Variants in SEC62 observed in about 807,000 individuals in gnomAD.
The protein encoded by SEC62 is translocation protein SEC62.
A neutral mutation model predicts 47.5 loss-of-function variants in SEC62; 10 were observed. The ratio of observed to expected loss-of-function variants is 0.21; its 90% CI spans 0.13 to 0.36. The LOEUF (loss-of-function observed/expected upper bound fraction) is 0.36. SEC62 is among the 10% of genes least tolerant of loss of function. SEC62 has a pLI of 1.00. For synonymous variants in SEC62, 136 were observed against 150.5 expected (o/e 0.90, Z 0.71); for missense variants, 327 against 464.1 (o/e 0.70, Z 2.71).
chr3:169,994,048 T>A lies in SEC62; in HGVS notation c.*985T>A, dbSNP rs573469088. On this transcript the variant is annotated 3_prime_UTR_variant, in exon 8 of 8. Transcript: ENST00000337002. Reference sequence around the variant, plus strand: ...TAGCTTTGTACGCCTTAATGTTCATTTTGATTTATTTTAAATCTTTACATT... The same window carrying A: ...TAGCTTTGTACGCCTTAATGTTCATATTGATTTATTTTAAATCTTTACATT... 6.5e-6 allele frequency: 1 copy of A among 152,742 alleles called. No homozygotes were observed. The highest frequency in any genetic ancestry group is 1.9e-4 in the East Asian group (1 of 5,190). The allele number at this position is 152,742 out of a possible 1,614,324, so 9.5% of individuals were successfully genotyped here. A position where few individuals can be genotyped will look rare whatever the true frequency, so the allele number is the denominator to read the frequency against.
chr3:169,995,877 C>G lies in SEC62; in HGVS notation c.*2814C>G, dbSNP rs553974582. On this transcript the variant is annotated 3_prime_UTR_variant, in exon 8 of 8. Coordinates refer to ENST00000337002, the MANE Select transcript of SEC62 (RefSeq NM_003262.4). ...AACATTGAAGTCATGACCAACAACA[C>G]TGTAACTCATGCCTGAATGAAGCTT... 101 of 152,236 alleles carry G rather than the reference C, an allele frequency of 6.6e-4. No homozygotes were observed. The highest frequency in any genetic ancestry group is 2.3e-3 in the African/African-American group (95 of 41,538). The allele number at this position is 152,236 out of a possible 1,614,324, so 9.4% of individuals were successfully genotyped here.
chr3:169,977,988 A>G (rs1309321594), intron 3 of SEC62, among the ~76,000 whole-genome samples: 4 of 152,236 alleles, frequency 2.6e-5, no homozygotes, highest in Admixed American at 1.3e-4. Context: ...TTTTAGAAAC[A>G]GTAGGTTTCG....
Position 169,997,210 on chromosome 3 carries a change from CTT to C in SEC62, c.*4149_*4150del, listed in dbSNP as rs1715398483. 1 of 152,170 alleles carries C rather than the reference CTT, an allele frequency of 6.6e-6. No homozygotes were observed. The highest frequency in any genetic ancestry group is 2.1e-4 in the South Asian group (1 of 4,834). The allele number at this position is 152,170 out of a possible 1,614,324, so 9.4% of individuals were successfully genotyped here. ...ATTTGTCCAACCTAGCACAGAGATC[CTT>C]TGATACTTTAATTGCATGGCTTTTC... On this transcript the variant is annotated 3_prime_UTR_variant, in exon 8 of 8. Transcript: ENST00000337002.
chr3:169,979,223 T>G (rs1714914773), intron 3 of SEC62, among the ~76,000 whole-genome samples: 1 of 152,206 alleles, frequency 6.6e-6, no homozygotes, highest in African/African-American at 2.4e-5. Flanking sequence ...GAGCCACTTC[T>G]AATATAACCG....
intron 6 of SEC62, among the ~76,000 whole-genome samples, chr3:169,986,812 G>T (rs571541957): frequency 6.6e-6 from 1 of 152,052 alleles, no homozygotes; most frequent in Non-Finnish European, 1.5e-5. Flanking sequence ...ACTGCAGCCC[G>T]ACTTGCTGGG....
At chr3:169,970,649 G>A (rs1046928123) in intron 1 of SEC62, among the ~76,000 whole-genome samples, 2 of 152,176 alleles carry the variant, frequency 1.3e-5, no homozygotes, top group Non-Finnish European at 2.9e-5. Flanking sequence ...TGTATTTTAA[G>A]TTACAGCACC....
At chr3:169,977,185 C>A in intron 3 of SEC62, 134 bp downstream of exon 3, 2 of 497,052 alleles carry the variant, frequency 4.0e-6, no homozygotes, top group Non-Finnish European at 7.0e-6. Flanking sequence ...AACCTGATTT[C>A]TTTGGTACCT....
intron 7 of SEC62, among the ~76,000 whole-genome samples, chr3:169,989,517 A>G (rs1715189620): frequency 6.6e-6 from 1 of 151,552 alleles, no homozygotes; most frequent in Admixed American, 6.6e-5. Flanking sequence ...ACCTGCATCA[A>G]GAAGGAAAAG....
chr3:169,984,780 G>A (rs1715058936), intron 5 of SEC62, among the ~76,000 whole-genome samples: 1 of 152,108 alleles, frequency 6.6e-6, no homozygotes, highest in Admixed American at 6.5e-5. Flanking sequence ...GAACCACGTT[G>A]GAAAGACAAT....
At chr3:169,978,297 C>T (rs1468896701) in intron 3 of SEC62, among the ~76,000 whole-genome samples, 1 of 152,000 alleles carries the variant, frequency 6.6e-6, no homozygotes, top group East Asian at 1.9e-4. Context: ...TGAGCTAACA[C>T]TCATGCAGTT....
chr3:169,992,917 C>T lies in SEC62; in HGVS notation c.1054C>T (p.Arg352Ter), dbSNP rs141360935. Residue 352 changes from arginine (R) to a stop codon, truncating the protein, a stop_gained, in exon 8 of 8, where the codon CGA (arginine) becomes TGA (stop). Transcript: ENST00000337002. LOFTEE classifies it high-confidence loss of function. This position sits in a 1 kb window ranked among gnomAD's most constrained non-coding sequence, Gnocchi z 4.0. ...DTDSDRREDD[R>*]SQHSSGNGND... ...GGACAGTGACAGGAGGGAAGATGAT[C>T]GATCCCAGCACAGTAGTGGAAATGG... 1 of 1,613,448 alleles carries T rather than the reference C, an allele frequency of 6.2e-7. No homozygotes were observed. Among genetic ancestry groups the T allele is most frequent in the Non-Finnish European group, 8.5e-7 (1 of 1,179,946 alleles).
chr3:169,988,397 T>C, intron 7 of SEC62, 38 bp downstream of exon 7: 1 of 1,610,458 alleles, frequency 6.2e-7, no homozygotes, highest in Non-Finnish European at 8.5e-7. Context: ...TCAAGAAGGT[T>C]GGTATTGAGC....
chr3:169,979,506 G>T (rs150713251), intron 3 of SEC62, among the ~76,000 whole-genome samples: 1 of 152,298 alleles, frequency 6.6e-6, no homozygotes, highest in Non-Finnish European at 1.5e-5. Flanking sequence ...ACAAGACTTT[G>T]TATCACTGAC....
At chr3:169,988,175 G>A in intron 6 of SEC62, 65 bp from the exon 7 acceptor site, 2 of 1,563,308 alleles carry the variant, frequency 1.3e-6, no homozygotes, top group Non-Finnish European at 1.8e-6. Context: ...ATATGTTTCT[G>A]TTAGTGCAGC....
chr3:169,968,775 G>A (rs1714619317), intron 1 of SEC62, among the ~76,000 whole-genome samples: 1 of 152,280 alleles, frequency 6.6e-6, no homozygotes, highest in African/African-American at 2.4e-5. Context: ...TAGGTTGGGA[G>A]TTATGTAGAG....
chr3:169,966,878 G>A lies in SEC62; in HGVS notation c.36+20G>A. On this transcript the variant is annotated intron_variant, in intron 1 of 7. Coordinates refer to ENST00000337002, the MANE Select transcript of SEC62 (RefSeq NM_003262.4). ...ATCCAGGTAGCAAAGCCGAGCTCTG[G>A]GCAGGGGGCTTCGGCGCGCTGGATA... 6.4e-7 allele frequency: 1 copy of A among 1,553,864 alleles called. No individual in the cohort carries two copies. Among genetic ancestry groups the A allele is most frequent in the Non-Finnish European group, 8.7e-7 (1 of 1,148,358 alleles).
chr3:169,984,205 G>A (rs1055200891), intron 5 of SEC62, among the ~76,000 whole-genome samples: 1 of 152,174 alleles, frequency 6.6e-6, no homozygotes, highest in Admixed American at 6.5e-5. Flanking sequence ...GGGATTGTGG[G>A]GGAGGATTAT....
chr3:169,967,575 C>G (rs1166346139), intron 1 of SEC62, among the ~76,000 whole-genome samples: 1 of 152,192 alleles, frequency 6.6e-6, no homozygotes, highest in East Asian at 1.9e-4. Flanking sequence ...GTGTGTCATC[C>G]TCGTAGTAAC....
At chr3:169,976,295 G>T (rs545388958) in intron 2 of SEC62, among the ~76,000 whole-genome samples, 1 of 152,082 alleles carries the variant, frequency 6.6e-6, no homozygotes, top group Non-Finnish European at 1.5e-5. Context: ...TTGAGCCCAG[G>T]AGTTAGAGGC....
Sources: allele counts gnomAD v4.1 joint callset (sites outside exome capture counted in the v4.1 genomes callset), GRCh38; gene constraint gnomAD v4.1.1; non-coding constraint Gnocchi (gnomAD v3.1); transcripts MANE v1.5; gene names NCBI Gene and HGNC (gene_info 2026-07-23, HGNC 2026-07-21).